CNTNAP5: variants seen among roughly 807,000 people sequenced by gnomAD.
The protein encoded by CNTNAP5 is contactin associated protein family member 5.
CNTNAP5 carries 72 observed loss-of-function variants against 150.2 expected under a neutral mutation model. That is an observed-to-expected ratio of 0.48 (90% CI 0.40 to 0.58). The LOEUF (loss-of-function observed/expected upper bound fraction) is 0.58, where lower values mean the gene tolerates loss of function less well. Ranked by LOEUF, CNTNAP5 falls within the 20% of genes least tolerant of loss-of-function variation. The probability of loss-of-function intolerance (pLI) is 0.00; values close to 1 mark genes in which losing one functional copy is unlikely to be tolerated. For missense variants in CNTNAP5, 1,636 were observed against 1,626.2 expected, an observed-to-expected ratio of 1.01 and a Z score of -0.10; for synonymous variants, 672 against 619.8, an observed-to-expected ratio of 1.08 and a Z score of -1.25.
chr2:124,074,470 G>A (rs1440781466), intron 1 of CNTNAP5, among the ~76,000 whole-genome samples: 3 of 151,942 alleles, frequency 2.0e-5, no homozygotes, highest in African/African-American at 4.8e-5. Context: ...ATATATACAC[G>A]TACTATGTAT....
chr2:124,661,937 G>T (rs1201310928), intron 13 of CNTNAP5, among the ~76,000 whole-genome samples: 1 of 152,106 alleles, frequency 6.6e-6, no homozygotes, highest in African/African-American at 2.4e-5. Context: ...GTGCCATGGT[G>T]GTTTGCTGCA....
rs6733356 is a variant in CNTNAP5, at chr2:124,645,396, A to T, written c.1877-2362A>T. Among the ~76,000 whole-genome samples, 242 of 152,208 alleles carry T rather than the reference A, an allele frequency of 1.6e-3. 1 individual carries two copies. Among genetic ancestry groups the T allele is most frequent in the African/African-American group, 5.7e-3 (237 of 41,536 alleles). ...AGCCTGGGCAATATAATGAGAGCCC[A>T]TCTCTAAAAAACTTTTTAAAGATTA... On this transcript the variant is annotated intron_variant, in intron 12 of 23. Transcript: ENST00000682447.
intron 8 of CNTNAP5, among the ~76,000 whole-genome samples, chr2:124,523,022 G>A (rs151233354): frequency 5.3e-5 from 8 of 152,218 alleles, no homozygotes; most frequent in Non-Finnish European, 8.8e-5. Flanking sequence ...CTCAAAAGAC[G>A]TTATTTTAAT....
intron 6 of CNTNAP5, among the ~76,000 whole-genome samples, chr2:124,456,919 G>A (rs1479600358): frequency 6.6e-6 from 1 of 152,172 alleles, no homozygotes; most frequent in Non-Finnish European, 1.5e-5. Flanking sequence ...TCAACTCAAT[G>A]TGAATTAAAG....
At chr2:124,289,946 T>A (rs1450050781) in intron 3 of CNTNAP5, among the ~76,000 whole-genome samples, 1 of 152,210 alleles carries the variant, frequency 6.6e-6, no homozygotes, top group Non-Finnish European at 1.5e-5. Context: ...CTTTTTAAAT[T>A]TTCTAGTTTA....
chr2:124,839,865 T>G (rs994734762), intron 19 of CNTNAP5, among the ~76,000 whole-genome samples: 1 of 152,142 alleles, frequency 6.6e-6, no homozygotes, highest in African/African-American at 2.4e-5. Flanking sequence ...CTTTGCTAAA[T>G]GTGAGGGAAC....
At chr2:124,062,772 A>G (rs1682046039) in intron 1 of CNTNAP5, among the ~76,000 whole-genome samples, 1 of 152,130 alleles carries the variant, frequency 6.6e-6, no homozygotes, top group African/African-American at 2.4e-5. Context: ...GAAGCAGGAC[A>G]CACAAAGTTA....
At chr2:124,031,286 T>C (rs78233238) in intron 1 of CNTNAP5, among the ~76,000 whole-genome samples, 1,714 of 152,242 alleles carry the variant, frequency 0.011, 35 homozygotes, top group African/African-American at 0.039. Flanking sequence ...TTTGAAAGTC[T>C]ATATTCAATG....
intron 3 of CNTNAP5, among the ~76,000 whole-genome samples, chr2:124,341,192 T>G (rs1437427348): frequency 1.3e-5 from 2 of 152,094 alleles, no homozygotes; most frequent in Non-Finnish European, 2.9e-5. Context: ...TGGAGGAGTT[T>G]TAAGACACTT....
At position 124,911,534 on chromosome 2, in the gene CNTNAP5, C is replaced by T. The variant is rs775659575; in HGVS notation, c.3723C>T (p.Ile1241=). 44 of 1,593,326 alleles carry T rather than the reference C, an allele frequency of 2.8e-5. No individual in the cohort carries two copies. The highest frequency in any genetic ancestry group is 3.5e-5 in the Non-Finnish European group (41 of 1,168,472). ...TNAVRSDSAV[I]GGVIAVVIFI... is the part of the protein sequence containing the mutation. ...CTGTTCGAAGTGATTCGGCAGTCAT[C>T]GGAGGTAAACAATTCATTGTTGTTG... The change falls in exon 23 of 24, where the codon ATC becomes ATT. Residue 1241 remains isoleucine, a synonymous_variant. Transcript: ENST00000682447.
chr2:124,078,277 T>C (rs1037657767), intron 1 of CNTNAP5, among the ~76,000 whole-genome samples: 1 of 152,200 alleles, frequency 6.6e-6, no homozygotes, highest in Non-Finnish European at 1.5e-5. Flanking sequence ...CAATATGTTC[T>C]GAACATCTTT....
chr2:124,566,244 T>A (rs542460385), intron 11 of CNTNAP5, among the ~76,000 whole-genome samples: 42 of 152,250 alleles, frequency 2.8e-4, no homozygotes, highest in Admixed American at 8.5e-4. Flanking sequence ...AACATGAAGA[T>A]TTAAGTCAAA....
Position 124,915,797 on chromosome 2 carries a change from A to G in CNTNAP5, c.*1509A>G, listed in dbSNP as rs1387232916. 6.6e-6 allele frequency among the ~76,000 whole-genome samples: 1 copy of G among 152,052 alleles called. No homozygotes were observed. Among genetic ancestry groups the G allele is most frequent in the Non-Finnish European group, 1.5e-5 (1 of 67,972 alleles). Reference sequence around the variant, plus strand: ...AAGATCTTAATGATTTTTCTGTGGCAATATGCATCATTCTTTGTCCTGGGC... The same window carrying G: ...AAGATCTTAATGATTTTTCTGTGGCGATATGCATCATTCTTTGTCCTGGGC... On this transcript the variant is annotated 3_prime_UTR_variant, in exon 24 of 24. Transcript: ENST00000682447.
At chr2:124,396,344 G>A (rs148408806) in intron 3 of CNTNAP5, among the ~76,000 whole-genome samples, 9 of 152,238 alleles carry the variant, frequency 5.9e-5, no homozygotes, top group Admixed American at 2.0e-4. Flanking sequence ...CCCTGCATTC[G>A]ATATGGGGCA....
At chr2:124,218,587 A>T (rs1686222523) in intron 1 of CNTNAP5, among the ~76,000 whole-genome samples, 1 of 152,150 alleles carries the variant, frequency 6.6e-6, no homozygotes, top group East Asian at 1.9e-4. Context: ...GCATAAATCT[A>T]TGGATTGACT....
At chr2:124,857,919 T>C (rs993816725) in intron 19 of CNTNAP5, among the ~76,000 whole-genome samples, 5 of 152,152 alleles carry the variant, frequency 3.3e-5, no homozygotes, top group African/African-American at 1.2e-4. Flanking sequence ...TCAAGTGAAT[T>C]GGTCTCTGGA....
Position 124,905,442 on chromosome 2 carries a change from C to G in CNTNAP5, c.3655+2342C>G, listed in dbSNP as rs573015659. The stretch of plus-strand genomic sequence containing the variant: ...TGTAACGAAAATAAATTAAATCAGC[C>G]TTTCTTAAAAGTAGAAAAAACCCAC... On this transcript the variant is annotated intron_variant, in intron 22 of 23. Transcript: ENST00000682447. Among the ~76,000 whole-genome samples the G allele has an allele frequency of 4.6e-5, 7 of 152,164 alleles. No individual in the cohort carries two copies. The East Asian group carries it at 1.4e-3, about 29-fold the overall frequency.
chr2:124,817,143 TG>T (rs1388474662), intron 19 of CNTNAP5, among the ~76,000 whole-genome samples: 1 of 152,214 alleles, frequency 6.6e-6, no homozygotes, highest in Non-Finnish European at 1.5e-5. Flanking sequence ...AAGTTAATGT[TG>T]AAAAAAACAG....
chr2:124,391,648 G>C (rs1691111686), intron 3 of CNTNAP5, among the ~76,000 whole-genome samples: 1 of 152,158 alleles, frequency 6.6e-6, no homozygotes, highest in South Asian at 2.1e-4. Context: ...AGCACTTGCT[G>C]TTCTTACCGC....
Sources: gnomAD v4.1 joint callset for allele counts (sites outside exome capture counted in the v4.1 genomes callset) on GRCh38, gnomAD v4.1.1 for gene constraint, MANE v1.5 for transcripts, NCBI Gene and HGNC (gene_info 2026-07-23, HGNC 2026-07-21) for gene names.